Variants in SENP1 observed in about 807,000 individuals in gnomAD.
SENP1 encodes the protein sentrin-specific protease 1.
Under a neutral mutation model 93.0 loss-of-function variants are expected in SENP1, and 21 were observed. The ratio of observed to expected loss-of-function variants is 0.23; its 90% CI spans 0.16 to 0.33. SENP1 has a LOEUF of 0.33. SENP1 is among the 10% of genes least tolerant of loss of function. SENP1 has a pLI of 1.00. For synonymous variants in SENP1, 256 were observed against 259.6 expected (o/e 0.99, Z 0.13); for missense variants, 591 against 758.7 (o/e 0.78, Z 2.60).
chr12:48,059,974 C>T (rs1426462926), intron 13 of SENP1, among the ~76,000 whole-genome samples: 4 of 152,058 alleles, frequency 2.6e-5, no homozygotes, highest in Non-Finnish European at 1.5e-5. Flanking sequence ...TGGTTCTTTC[C>T]CCAGCCTCTG....
At chr12:48,076,856 A>G (rs1944125321) in intron 6 of SENP1, among the ~76,000 whole-genome samples, 1 of 151,310 alleles carries the variant, frequency 6.6e-6, no homozygotes, top group South Asian at 2.1e-4. Flanking sequence ...CATGTTGGCC[A>G]CAATGGTCTC....
At chr12:48,098,157 A>G (rs149384181) in intron 2 of SENP1, 33 bp from the exon 3 acceptor site, 9 of 1,584,490 alleles carry the variant, frequency 5.7e-6, no homozygotes, top group Admixed American at 1.7e-5. Flanking sequence ...TTCAAGTCAC[A>G]TAATTCTTCA....
At chr12:48,086,997 C>G (rs1303213928) in intron 5 of SENP1, among the ~76,000 whole-genome samples, 8 of 152,132 alleles carry the variant, frequency 5.3e-5, no homozygotes, top group African/African-American at 9.7e-5. Flanking sequence ...CGAGATCACA[C>G]CACTGCATTC....
intron 6 of SENP1, among the ~76,000 whole-genome samples, chr12:48,077,186 C>A (rs1944155368): frequency 6.6e-6 from 1 of 152,090 alleles, no homozygotes; most frequent in Non-Finnish European, 1.5e-5. Context: ...AATATCAACC[C>A]CTTATAGAAT....
chr12:48,099,373 A>C (rs1332766536), intron 2 of SENP1, among the ~76,000 whole-genome samples: 2 of 152,096 alleles, frequency 1.3e-5, no homozygotes, highest in African/African-American at 2.4e-5. Flanking sequence ...AACAAAAAAC[A>C]AAAATGCTCC....
At chr12:48,064,241 A>T (rs909104617) in intron 12 of SENP1, among the ~76,000 whole-genome samples, 2 of 152,256 alleles carry the variant, frequency 1.3e-5, no homozygotes, top group Admixed American at 6.5e-5. Context: ...AGTATCTTTT[A>T]GAAATTACTT....
chr12:48,057,847 T>C (rs1942664730), intron 13 of SENP1, among the ~76,000 whole-genome samples: 2 of 150,928 alleles, frequency 1.3e-5, no homozygotes, highest in South Asian at 4.1e-4. Context: ...TGCACCCACC[T>C]TGGCCTCGCA....
At chr12:48,064,278 A>G (rs1210608249) in intron 12 of SENP1, among the ~76,000 whole-genome samples, 1 of 152,200 alleles carries the variant, frequency 6.6e-6, no homozygotes, top group Non-Finnish European at 1.5e-5. Flanking sequence ...TTTTAAATGT[A>G]AAGTATGGAA....
intron 5 of SENP1, among the ~76,000 whole-genome samples, chr12:48,084,013 A>G (rs1037383379): frequency 6.6e-6 from 1 of 152,208 alleles, no homozygotes; most frequent in East Asian, 1.9e-4. Flanking sequence ...TAGATCCACA[A>G]TCTAGAATTT....
At chr12:48,085,666 A>G (rs1357279949) in intron 5 of SENP1, among the ~76,000 whole-genome samples, 1 of 148,514 alleles carries the variant, frequency 6.7e-6, no homozygotes, top group Non-Finnish European at 1.5e-5. Flanking sequence ...CTGTGCTGTT[A>G]CACAGTGTCA....
At chr12:48,081,572 T>TTC (rs1555183664) in intron 6 of SENP1, 1 of 146,968 alleles carries the variant, frequency 6.8e-6, no homozygotes, top group Non-Finnish European at 1.5e-5. Flanking sequence ...GTTTTTTCGT[T>TTC]TTTTTTTTTT....
At position 48,098,119 on chromosome 12, in the gene SENP1, T is replaced by C. The variant is rs1467048327; in HGVS notation, c.10A>G (p.Ile4Val). The C allele has an allele frequency of 1.2e-6, 2 of 1,613,430 alleles. No individual in the cohort carries two copies. The highest frequency in any genetic ancestry group is 1.7e-6 in the Non-Finnish European group (2 of 1,179,564). Reference protein sequence around the residue: MDDIADRMRMDAGE... With the variant: MDDVADRMRMDAGE... The stretch of plus-strand genomic sequence containing the variant: ...GCATCCATCCTCATCCTATCAGCAA[T>C]ATCATCTGGGGAGACAGTCTGGATT... Residue 4 changes from isoleucine to valine, a missense_variant, in exon 3 of 18, where the codon ATT (isoleucine) becomes GTT (valine). Physicochemically the swap from Ile to Val is conservative, Grantham distance 29. Transcript: ENST00000549518.
At position 48,044,817 on chromosome 12, in the gene SENP1, T is replaced by G. The variant is rs1230898700; in HGVS notation, c.*505A>C. 1 of 156,280 alleles carries G rather than the reference T, an allele frequency of 6.4e-6. No individual in the cohort carries two copies. The highest frequency in any genetic ancestry group is 2.4e-5 in the African/African-American group (1 of 41,526). 9.7% of individuals were successfully genotyped at this position (156,280 alleles called of 1,614,324 possible). A position where few individuals can be genotyped will look rare whatever the true frequency, so the allele number is the denominator to read the frequency against. On this transcript the variant is annotated 3_prime_UTR_variant, in exon 18 of 18. Transcript: ENST00000549518. The stretch of plus-strand genomic sequence containing the variant: ...CCCCAAAGTCCAGTTTACAGTCACA[T>G]TCCTGACCATACATCGTGAAAATTG...
chr12:48,064,310 G>T (rs944312213), intron 12 of SENP1, among the ~76,000 whole-genome samples: 1 of 152,068 alleles, frequency 6.6e-6, no homozygotes, highest in African/African-American at 2.4e-5. Flanking sequence ...TATAATAAGT[G>T]TGTTATGCTC....
In SENP1 at chr12:48,053,342, G is replaced by A. The variant is rs1219700670; in HGVS notation, c.1408-4210C>T. Among the ~76,000 whole-genome samples, 3 of 151,922 alleles carry A rather than the reference G, an allele frequency of 2.0e-5. No individual in the cohort carries two copies. In the East Asian group the frequency reaches 5.8e-4, roughly 29 times the overall value. ...AAAACCAACAAAAAAGCCAGGCATGGTGGCACATTCCTGTGGTCCCAGCTC... is the reference window on the plus strand; with the variant it reads ...AAAACCAACAAAAAAGCCAGGCATGATGGCACATTCCTGTGGTCCCAGCTC... On this transcript the variant is annotated intron_variant, in intron 13 of 17. Transcript: ENST00000549518.
Position 48,074,315 on chromosome 12 carries a change from C to A in SENP1, c.940+9G>T. On this transcript the variant is annotated intron_variant, in intron 8 of 17. Coordinates refer to ENST00000549518, the MANE Select transcript of SENP1 (RefSeq NM_001267594.2). ...GACTAAAAATGTAGTTATATGATACCATGTTTACCTTCAGATTGTGTATTT... is the reference window on the plus strand; with the variant it reads ...GACTAAAAATGTAGTTATATGATACAATGTTTACCTTCAGATTGTGTATTT... 1 of 1,602,614 alleles carries A rather than the reference C, an allele frequency of 6.2e-7. No individual in the cohort carries two copies. Among genetic ancestry groups the A allele is most frequent in the South Asian group, 1.1e-5 (1 of 89,708 alleles).
At chr12:48,085,332 A>C in intron 5 of SENP1, 1 of 1,468,146 alleles carries the variant, frequency 6.8e-7, no homozygotes, top group South Asian at 1.1e-5. Context: ...TGTCCTGGAG[A>C]TCCCCTCCAA....
At chr12:48,077,739 C>A (rs560858738) in intron 6 of SENP1, among the ~76,000 whole-genome samples, 2 of 152,220 alleles carry the variant, frequency 1.3e-5, no homozygotes, top group Admixed American at 1.3e-4. Context: ...CCACTCCCCC[C>A]ACCCCACGAC....
intron 13 of SENP1, 193 bp downstream of exon 13, chr12:48,063,517 A>C: frequency 2.1e-6 from 1 of 486,728 alleles, no homozygotes. Flanking sequence ...ACTTTAAAAT[A>C]CACCTGAGAT....
Sources: allele counts gnomAD v4.1 joint callset (sites outside exome capture counted in the v4.1 genomes callset), GRCh38; gene constraint gnomAD v4.1.1; transcripts MANE v1.5; gene names NCBI Gene and HGNC (gene_info 2026-07-23, HGNC 2026-07-21).